The following SCARB1 variants were observed in gnomAD, a reference collection of about 807,000 sequenced individuals.
SCARB1 encodes CD36 and LIMPII analogous 1.
Under a neutral mutation model 57.2 loss-of-function variants are expected in SCARB1, and 30 were observed. The ratio of observed to expected loss-of-function variants is 0.52; its 90% CI spans 0.39 to 0.71. SCARB1 has a LOEUF of 0.71. Ranked by LOEUF, SCARB1 falls within the 30% of genes least tolerant of loss-of-function variation. The probability of loss-of-function intolerance (pLI) is 0.00; values close to 1 mark genes in which losing one functional copy is unlikely to be tolerated. For missense variants in SCARB1, 543 were observed against 671.2 expected, an observed-to-expected ratio of 0.81 and a Z score of 2.11; for synonymous variants, 249 against 268.3, an observed-to-expected ratio of 0.93 and a Z score of 0.70.
In SCARB1 at chr12:124,796,882, A is replaced by AT. The variant is rs1222744270; in HGVS notation, c.1129-1615dup. 1.3e-5 allele frequency among the ~76,000 whole-genome samples: 2 copies of AT among 152,178 alleles called. No homozygotes were observed. Among genetic ancestry groups the AT allele is most frequent in the Non-Finnish European group, 2.9e-5 (2 of 68,030 alleles). On this transcript the variant is annotated intron_variant, in intron 8 of 12. Transcript: ENST00000261693. The surrounding 1 kb of genome is among the most constrained non-coding windows in gnomAD (Gnocchi z 4.0). ...AGGCCTGAAGCTGCTCTCCTTAGGA[A>AT]TTCTGCTGGCATCTGGGAACCCAGA...
At chr12:124,793,107 G>A (rs7954022) in intron 9 of SCARB1, among the ~76,000 whole-genome samples, 3,607 of 152,208 alleles carry the variant, frequency 0.024, 186 homozygotes, top group African/African-American at 0.083. Flanking sequence ...ATGCAAGGGC[G>A]GGATGAAGGA....
intron 1 of SCARB1, among the ~76,000 whole-genome samples, chr12:124,845,014 C>T (rs1193455441): frequency 2.0e-5 from 3 of 151,860 alleles, no homozygotes; most frequent in African/African-American, 2.4e-5. Flanking sequence ...CTGCAGGCTC[C>T]GGAATCTAGG....
Position 124,817,118 on chromosome 12 carries a change from A to G in SCARB1, c.284+432T>C, listed in dbSNP as rs1392485414. On this transcript the variant is annotated intron_variant, in intron 2 of 12. Coordinates refer to ENST00000261693, the MANE Select transcript of SCARB1 (RefSeq NM_005505.5). This position sits in a 1 kb window ranked among gnomAD's most constrained non-coding sequence, Gnocchi z 4.8. Reference sequence around the variant, plus strand: ...TGTGTGTATGTGTATGTACGTGTGTATGTATGTATGTGTGTATGTGTATGT... The same window carrying G: ...TGTGTGTATGTGTATGTACGTGTGTGTGTATGTATGTGTGTATGTGTATGT... Among the ~76,000 whole-genome samples the G allele has an allele frequency of 3.1e-5, 4 of 130,690 alleles. No individual in the cohort carries two copies. The highest frequency in any genetic ancestry group is 6.9e-5 in the Non-Finnish European group (4 of 57,798). The allele number at this position is 130,690 out of a possible 152,430, so 85.7% of individuals were successfully genotyped here.
intron 9 of SCARB1, among the ~76,000 whole-genome samples, chr12:124,792,884 G>A (rs1182402657): frequency 6.6e-6 from 1 of 150,886 alleles, no homozygotes; most frequent in Non-Finnish European, 1.5e-5. Context: ...AGCTGGTGCT[G>A]GGAAGGGGCT....
At chr12:124,849,527 T>G (rs1387843418) in intron 1 of SCARB1, among the ~76,000 whole-genome samples, 1 of 152,184 alleles carries the variant, frequency 6.6e-6, no homozygotes, top group African/African-American at 2.4e-5. Context: ...CGTTAGTGAC[T>G]TCCTCCGGCA....
intron 6 of SCARB1, among the ~76,000 whole-genome samples, chr12:124,809,628 G>C (rs1594260996): frequency 6.6e-6 from 1 of 152,106 alleles, no homozygotes; most frequent in Non-Finnish European, 1.5e-5. Flanking sequence ...GGGTTTGCTG[G>C]GAGGGCAGAT....
chr12:124,800,022 C>T lies in SCARB1; in HGVS notation c.1128+102G>A, dbSNP rs1177710033. 5.6e-6 allele frequency: 5 copies of T among 890,326 alleles called. No homozygotes were observed. Among genetic ancestry groups the T allele is most frequent in the African/African-American group, 3.3e-5 (2 of 60,532 alleles). The allele number at this position is 890,326 out of a possible 1,614,324, so 55.2% of individuals were successfully genotyped here. A position where few individuals can be genotyped will look rare whatever the true frequency, so the allele number is the denominator to read the frequency against. ...AGATTCTAGAAGCCAGGCTTCCCAC[C>T]ACCCCAGCCCACAGCAGCTCTCTGC... On this transcript the variant is annotated intron_variant, in intron 8 of 12. Transcript: ENST00000261693. The surrounding 1 kb of genome is among the most constrained non-coding windows in gnomAD (Gnocchi z 4.8).
chr12:124,818,723 G>A (rs1176726364), intron 1 of SCARB1, among the ~76,000 whole-genome samples: 2 of 72,728 alleles, frequency 2.7e-5, no homozygotes, highest in Non-Finnish European at 1.0e-4. Flanking sequence ...TCGGCTCACC[G>A]AAACCTCCAT....
rs1263927648 is a variant in SCARB1 at position 124,796,844 on chromosome 12, G to C, written c.1129-1576C>G. Among the ~76,000 whole-genome samples the C allele has an allele frequency of 6.6e-6, 1 of 152,166 alleles. No individual in the cohort carries two copies. Among genetic ancestry groups the C allele is most frequent in the Non-Finnish European group, 1.5e-5 (1 of 68,044 alleles). On this transcript the variant is annotated intron_variant, in intron 8 of 12. Transcript: ENST00000261693. This position sits in a 1 kb window ranked among gnomAD's most constrained non-coding sequence, Gnocchi z 4.0. ...CATGAGATCACCCGTGAGTAGAACA[G>C]AGTTCACGCCACAGGCCTGAAGCTG...
Position 124,817,255 on chromosome 12 carries a change from C to T in SCARB1, c.284+295G>A, listed in dbSNP as rs1022631944. Among the ~76,000 whole-genome samples the T allele has an allele frequency of 2.7e-5, 4 of 148,538 alleles. No homozygotes were observed. Among genetic ancestry groups the T allele is most frequent in the East Asian group, 2.1e-4 (1 of 4,874 alleles). ...CCTCTCTAGGCAACGTCTGGTGATT[C>T]GCACCTGTAATCCCAGCACTTTGAG... On this transcript the variant is annotated intron_variant, in intron 2 of 12. Coordinates refer to ENST00000261693, the MANE Select transcript of SCARB1 (RefSeq NM_005505.5). This position sits in a 1 kb window ranked among gnomAD's most constrained non-coding sequence, Gnocchi z 4.8.
chr12:124,848,210 A>C (rs1194501275), intron 1 of SCARB1, among the ~76,000 whole-genome samples: 1 of 152,128 alleles, frequency 6.6e-6, no homozygotes, highest in Non-Finnish European at 1.5e-5. Context: ...CAGCCTCCCG[A>C]GTAGCTGGGA....
At chr12:124,836,044 C>G (rs1951634682) in intron 1 of SCARB1, among the ~76,000 whole-genome samples, 1 of 152,212 alleles carries the variant, frequency 6.6e-6, no homozygotes, top group Non-Finnish European at 1.5e-5. Context: ...CATTCATTCA[C>G]TCAGTCATTC....
In SCARB1 at chr12:124,786,445, G is replaced by C. The variant is rs1254639828; in HGVS notation, c.1313C>G (p.Pro438Arg). 6.2e-6 allele frequency: 10 copies of C among 1,614,162 alleles called. No individual in the cohort carries two copies. The highest frequency in any genetic ancestry group is 8.5e-6 in the Non-Finnish European group (10 of 1,180,036). Residue 438 changes from proline (P) to arginine (R), a missense_variant, in exon 11 of 13, where the codon CCC (proline) becomes CGC (arginine). Physicochemically the swap from Pro to Arg is moderately radical, Grantham distance 103. Coordinates refer to ENST00000261693, the MANE Select transcript of SCARB1 (RefSeq NM_005505.5). ...HTFYTQLVLM[P>R]KVMHYAQYVL... ...GTACTGGGCATAGTGCATCACCTTG[G>C]GCATCAACACCAGCTGAGTGTAGAA...
chr12:124,826,751 C>A (rs938938343), intron 1 of SCARB1, among the ~76,000 whole-genome samples: 2 of 152,072 alleles, frequency 1.3e-5, no homozygotes, highest in African/African-American at 4.8e-5. Flanking sequence ...TCAGCCACTG[C>A]ACCTGGCCTC....
In SCARB1 at chr12:124,810,017, T is replaced by C. The variant is rs1594262187; in HGVS notation, c.842+157A>G. On this transcript the variant is annotated intron_variant, in intron 6 of 12. Coordinates refer to ENST00000261693, the MANE Select transcript of SCARB1 (RefSeq NM_005505.5). The surrounding 1 kb of genome is among the most constrained non-coding windows in gnomAD (Gnocchi z 4.0). ...AGGCATTGGCAGCTGGAGTTTGGCT[T>C]TTGGTGGTGTGACCAAAGAGAATTC... 6.6e-6 allele frequency among the ~76,000 whole-genome samples: 1 copy of C among 152,168 alleles called. No individual in the cohort carries two copies. The highest frequency in any genetic ancestry group is 1.9e-4 in the East Asian group (1 of 5,192).
At chr12:124,841,199 G>C (rs1162775814) in intron 1 of SCARB1, among the ~76,000 whole-genome samples, 1 of 151,962 alleles carries the variant, frequency 6.6e-6, no homozygotes, top group Non-Finnish European at 1.5e-5. Context: ...GTGAAACCCC[G>C]TATCTACTAA....
At chr12:124,824,012 ATAT>A (rs149605148) in intron 1 of SCARB1, among the ~76,000 whole-genome samples, 5,844 of 140,900 alleles carry the variant, frequency 0.041, 435 homozygotes, top group African/African-American at 0.14. Context: ...TAAAAAAAAA[ATAT>A]ATACAAAAAT....
chr12:124,782,917 A>G (rs927930843), intron 11 of SCARB1, 106 bp from the exon 12 acceptor site: 29 of 1,208,740 alleles, frequency 2.4e-5, no homozygotes, highest in Non-Finnish European at 3.1e-5. Context: ...GGAAAGGCAC[A>G]TAAGTTTAGA....
chr12:124,854,733 C>A (rs1952562894), intron 1 of SCARB1, among the ~76,000 whole-genome samples: 1 of 152,100 alleles, frequency 6.6e-6, no homozygotes. Context: ...TTGGCCCGGG[C>A]AACTGGAAGA....
Sources: gnomAD v4.1 joint callset for allele counts (sites outside exome capture counted in the v4.1 genomes callset) on GRCh38, gnomAD v4.1.1 for gene constraint, Gnocchi (gnomAD v3.1) non-coding constraint, MANE v1.5 for transcripts, NCBI Gene and HGNC (gene_info 2026-07-23, HGNC 2026-07-21) for gene names.